Variants in FRMD6 observed in about 807,000 individuals in gnomAD.
The protein encoded by FRMD6 is FERM domain containing 6, also known as FERM domain-containing protein 6.
A neutral mutation model predicts 73.2 loss-of-function variants in FRMD6; 37 were observed. The ratio of observed to expected loss-of-function variants is 0.51; its 90% CI spans 0.39 to 0.66. FRMD6 has a LOEUF of 0.66. Among genes scored for constraint, FRMD6 ranks in the 30% least tolerant of loss-of-function variants. The pLI is 0.00. For synonymous variants in FRMD6, 273 were observed against 282.2 expected (o/e 0.97, Z 0.33); for missense variants, 714 against 780.5 (o/e 0.91, Z 1.02).
At chr14:51,509,504 G>A (rs1884169410) in intron 1 of FRMD6, among the ~76,000 whole-genome samples, 1 of 150,754 alleles carries the variant, frequency 6.6e-6, no homozygotes, top group Non-Finnish European at 1.5e-5. Flanking sequence ...TCCAGCCTGG[G>A]CGACAGTGCG....
the FRMD6 span, among the ~76,000 whole-genome samples, chr14:51,434,406 T>C: frequency 0.097 from 14,825 of 152,196 alleles, 866 homozygotes; most frequent in Non-Finnish European, 0.13. Flanking sequence ...CATCTTGTGA[T>C]GCCAGAAGGT....
chr14:51,663,552 A>C (rs148750048), intron 1 of FRMD6, among the ~76,000 whole-genome samples: 112 of 152,332 alleles, frequency 7.4e-4, no homozygotes, highest in Middle Eastern at 3.4e-3. Flanking sequence ...TGGGAGCTTA[A>C]TGATGAGGAC....
intron 2 of FRMD6, among the ~76,000 whole-genome samples, chr14:51,583,562 A>G (rs1156682140): frequency 6.6e-6 from 1 of 152,212 alleles, no homozygotes; most frequent in Non-Finnish European, 1.5e-5. Flanking sequence ...ATTAACACAT[A>G]TATTAAACTT....
At chr14:51,435,974 T>C in the FRMD6 span, 1 of 158,198 alleles carries the variant, frequency 6.3e-6, no homozygotes, top group Non-Finnish European at 1.4e-5. Context: ...TGACCCTGAG[T>C]TTTTTGCCTG....
intron 2 of FRMD6, among the ~76,000 whole-genome samples, chr14:51,620,675 A>T (rs1217234989): frequency 6.6e-6 from 1 of 152,256 alleles, no homozygotes; most frequent in Middle Eastern, 3.4e-3. Context: ...CTTTCTCTGG[A>T]TGGATGTCTT....
chr14:51,468,095 C>T, the FRMD6 span, among the ~76,000 whole-genome samples: 1 of 152,036 alleles, frequency 6.6e-6, no homozygotes, highest in South Asian at 2.1e-4. Flanking sequence ...TGGAGACCAG[C>T]CCGGCCAATA....
At chr14:51,434,106 G>A in the FRMD6 span, among the ~76,000 whole-genome samples, 2 of 152,038 alleles carry the variant, frequency 1.3e-5, no homozygotes. Context: ...TAAGGAAGGG[G>A]GAGGAAGCTA....
intron 2 of FRMD6, among the ~76,000 whole-genome samples, chr14:51,614,481 TAAACAGA>T (rs1890633952): frequency 6.6e-6 from 1 of 152,212 alleles, no homozygotes; most frequent in African/African-American, 2.4e-5. Flanking sequence ...GTTTCTAGGC[TAAACAGA>T]AACAAAGAGT....
chr14:51,398,190 G>A, the FRMD6 span, among the ~76,000 whole-genome samples: 1 of 152,198 alleles, frequency 6.6e-6, no homozygotes, highest in Non-Finnish European at 1.5e-5. Flanking sequence ...TTTGAAACTA[G>A]TCATTTAATG....
intron 1 of FRMD6, among the ~76,000 whole-genome samples, chr14:51,663,590 TGG>T (rs772343971): frequency 2.0e-5 from 3 of 152,062 alleles, no homozygotes; most frequent in Non-Finnish European, 2.9e-5. Flanking sequence ...GGACATACAC[TGG>T]GGCTTACCAG....
At chr14:51,662,336 G>C (rs1893273363) in intron 1 of FRMD6, among the ~76,000 whole-genome samples, 1 of 151,970 alleles carries the variant, frequency 6.6e-6, no homozygotes, top group Admixed American at 6.6e-5. Flanking sequence ...AAAAGAGCTT[G>C]AATAGCCAAG....
chr14:51,437,296 T>C, the FRMD6 span, among the ~76,000 whole-genome samples: 1 of 152,214 alleles, frequency 6.6e-6, no homozygotes, highest in Non-Finnish European at 1.5e-5. Flanking sequence ...TCATCCATGT[T>C]CCTGCAAAGA....
intron 1 of FRMD6, among the ~76,000 whole-genome samples, chr14:51,570,034 C>G (rs1302482706): frequency 6.6e-6 from 1 of 152,054 alleles, no homozygotes; most frequent in Non-Finnish European, 1.5e-5. Context: ...CCAGGATGGT[C>G]TCGATCTCCT....
intron 1 of FRMD6, among the ~76,000 whole-genome samples, chr14:51,522,284 G>T (rs543183258): frequency 6.6e-6 from 1 of 152,126 alleles, no homozygotes; most frequent in Non-Finnish European, 1.5e-5. Flanking sequence ...AAATTTTTGG[G>T]TTATGAATGA....
At chr14:51,504,603 C>T (rs1883840348) in intron 1 of FRMD6, among the ~76,000 whole-genome samples, 1 of 152,208 alleles carries the variant, frequency 6.6e-6, no homozygotes, top group South Asian at 2.1e-4. Context: ...TCTTTTAACC[C>T]TGTCTACTTT....
intron 2 of FRMD6, among the ~76,000 whole-genome samples, chr14:51,599,281 C>T (rs1253082078): frequency 6.6e-6 from 1 of 151,954 alleles, no homozygotes; most frequent in Non-Finnish European, 1.5e-5. Context: ...GGATAGCTAG[C>T]TATCCATATG....
intron 3 of FRMD6, among the ~76,000 whole-genome samples, chr14:51,700,547 G>A (rs1772656382): frequency 6.6e-6 from 1 of 152,020 alleles, no homozygotes; most frequent in Admixed American, 6.6e-5. Flanking sequence ...ACAAGAAATA[G>A]TCTTAAAGAT....
chr14:51,713,743 T>C (rs1897085699), intron 9 of FRMD6: 1 of 152,344 alleles, frequency 6.6e-6, no homozygotes, highest in African/African-American at 2.4e-5. Flanking sequence ...GATTTCACTT[T>C]ACTTATACAT....
At chr14:51,652,518 C>G (rs114102842) in intron 1 of FRMD6, among the ~76,000 whole-genome samples, 20,116 of 152,270 alleles carry the variant, frequency 0.13, 1,428 homozygotes, top group Middle Eastern at 0.21. Flanking sequence ...GGGGCTGCGC[C>G]GTGCCGCCTG....
Sources: gnomAD v4.1 joint callset for allele counts (sites outside exome capture counted in the v4.1 genomes callset) on GRCh38, gnomAD v4.1.1 for gene constraint, MANE v1.5 for transcripts, NCBI Gene and HGNC (gene_info 2026-07-23, HGNC 2026-07-21) for gene names.